Variants in TOMM70 observed in about 807,000 individuals in gnomAD.
The protein encoded by TOMM70 is translocase of outer mitochondrial membrane 70.
Under a neutral mutation model 73.6 loss-of-function variants are expected in TOMM70, and 13 were observed. The observed-to-expected ratio is 0.18, with a 90% CI of 0.11 to 0.28. TOMM70 has a LOEUF of 0.28. Among genes scored for constraint, TOMM70 ranks in the 10% least tolerant of loss-of-function variants. TOMM70 has a pLI of 1.00. For missense variants in TOMM70, 609 were observed against 747.5 expected, an observed-to-expected ratio of 0.81 and a Z score of 2.16; for synonymous variants, 257 against 271.2, an observed-to-expected ratio of 0.95 and a Z score of 0.51.
Position 100,381,776 on chromosome 3 carries a change from C to A in TOMM70, c.736-13G>T. ...GAGGTTCACGATTCTGAAATTTAGT[C>A]ATGTTTAAAGACATCAGGATGGGAA... On this transcript the variant is annotated splice_polypyrimidine_tract_variant and intron_variant, in intron 4 of 11. Coordinates refer to ENST00000284320, the MANE Select transcript of TOMM70 (RefSeq NM_014820.5). The A allele has an allele frequency of 1.3e-6, 2 of 1,591,780 alleles. No homozygotes were observed. Among genetic ancestry groups the A allele is most frequent in the South Asian group, 1.1e-5 (1 of 87,420 alleles).
At chr3:100,387,598 AG>A in intron 1 of TOMM70, among the ~76,000 whole-genome samples, 1 of 103,498 alleles carries the variant, frequency 9.7e-6, no homozygotes, top group African/African-American at 4.4e-5. Flanking sequence ...ACACAGACAC[AG>A]ACACACACAC....
chr3:100,378,018 G>GGGCGGATCACGAGGTC, intron 5 of TOMM70, 106 bp from the exon 6 acceptor site: 1 of 920,656 alleles, frequency 1.1e-6, no homozygotes, highest in Non-Finnish European at 1.6e-6. Flanking sequence ...AGGCCGAGGT[G>GGGCGGATCACGAGGTC]GGCGGATCAC....
At position 100,365,467 on chromosome 3, in the gene TOMM70, T is replaced by C; in HGVS notation, c.*97A>G. On this transcript the variant is annotated 3_prime_UTR_variant, in exon 12 of 12. Coordinates refer to ENST00000284320, the MANE Select transcript of TOMM70 (RefSeq NM_014820.5). The stretch of plus-strand genomic sequence containing the variant: ...ACAACACCACAAACAGAAATACTGA[T>C]TTCCACCATTCAACACAGTTCATGA... The C allele has an allele frequency of 6.7e-7, 1 of 1,492,596 alleles. No individual in the cohort carries two copies. Among genetic ancestry groups the C allele is most frequent in the Non-Finnish European group, 9.1e-7 (1 of 1,100,084 alleles). 92.5% of individuals were successfully genotyped at this position (1,492,596 alleles called of 1,614,324 possible). A position where few individuals can be genotyped will look rare whatever the true frequency, so the allele number is the denominator to read the frequency against.
intron 5 of TOMM70, among the ~76,000 whole-genome samples, chr3:100,379,402 T>A (rs183938513): frequency 6.6e-6 from 1 of 152,152 alleles, no homozygotes; most frequent in East Asian, 1.9e-4. Context: ...CGTGGGAGGA[T>A]CACCTGGGCC....
Position 100,400,654 on chromosome 3 carries a change from G to T in TOMM70, c.296C>A (p.Pro99His). 1 of 1,612,400 alleles carries T rather than the reference G, an allele frequency of 6.2e-7. No homozygotes were observed. Among genetic ancestry groups the T allele is most frequent in the Non-Finnish European group, 8.5e-7 (1 of 1,179,662 alleles). Residue 99 changes from proline (P) to histidine (H), a missense_variant, in exon 1 of 12, where the codon CCT (proline) becomes CAT (histidine). Physicochemically the swap from Pro to His is moderately conservative, Grantham distance 77. This residue lies in a region of TOMM70 where 177 missense variants were observed against 163.5 expected (regional missense o/e 1.08). Transcript: ENST00000284320. ...GTCCAAGTGAGCACCGGGACCTTCA[G>T]GGTGTCCGCTGCCCGGGGCCGGACT... The part of the protein sequence containing the change: ...RASPAPGSGH[P>H]EGPGAHLDMN...
intron 5 of TOMM70, among the ~76,000 whole-genome samples, chr3:100,378,758 G>A (rs1248430060): frequency 6.6e-6 from 1 of 152,214 alleles, no homozygotes; most frequent in Non-Finnish European, 1.5e-5. Context: ...TGTAATCCCA[G>A]CACTTTGGGA....
intron 1 of TOMM70, among the ~76,000 whole-genome samples, chr3:100,390,833 G>GAAACAA (rs1357606449): frequency 1.3e-5 from 2 of 151,260 alleles, no homozygotes; most frequent in African/African-American, 4.9e-5. Flanking sequence ...CATCCCAAAA[G>GAAACAA]AAACAAAAAC....
At chr3:100,380,251 G>A (rs532640393) in intron 5 of TOMM70, among the ~76,000 whole-genome samples, 1 of 152,164 alleles carries the variant, frequency 6.6e-6, no homozygotes, top group East Asian at 1.9e-4. Flanking sequence ...AAGCTGAGGT[G>A]GGAGAATTGC....
chr3:100,367,805 T>C (rs369911808), intron 11 of TOMM70, among the ~76,000 whole-genome samples: 1 of 152,196 alleles, frequency 6.6e-6, no homozygotes, highest in African/African-American at 2.4e-5. Context: ...GGGCTCTGAG[T>C]TGATGTTGCA....
At chr3:100,381,041 T>C (rs1706628120) in intron 5 of TOMM70, among the ~76,000 whole-genome samples, 1 of 152,136 alleles carries the variant, frequency 6.6e-6, no homozygotes, top group Non-Finnish European at 1.5e-5. Context: ...TAAATACGAA[T>C]GGAATAAAGC....
intron 3 of TOMM70, among the ~76,000 whole-genome samples, 175 bp from the exon 4 acceptor site, chr3:100,384,763 A>T (rs901327709): frequency 3.3e-5 from 5 of 152,266 alleles, no homozygotes; most frequent in Non-Finnish European, 5.9e-5. Context: ...CTATGACCAA[A>T]CTGAAAGCTC....
intron 1 of TOMM70, among the ~76,000 whole-genome samples, chr3:100,388,651 CAACCCATAAA>C (rs1706720408): frequency 6.6e-6 from 1 of 151,948 alleles, no homozygotes; most frequent in Admixed American, 6.6e-5. Context: ...AAGGGAAAAA[CAACCCATAAA>C]AAAAGAGGCC....
intron 1 of TOMM70, among the ~76,000 whole-genome samples, chr3:100,396,873 T>C (rs1466620762): frequency 2.0e-5 from 3 of 152,220 alleles, no homozygotes; most frequent in African/African-American, 7.2e-5. Context: ...TTACAAGTTT[T>C]TGCTATCCCA....
At chr3:100,381,139 TC>T in intron 5 of TOMM70, among the ~76,000 whole-genome samples, 1 of 152,184 alleles carries the variant, frequency 6.6e-6, no homozygotes, top group Non-Finnish European at 1.5e-5. Context: ...CTCTACAGGC[TC>T]CAACAAGAAG....
intron 1 of TOMM70, among the ~76,000 whole-genome samples, chr3:100,396,138 C>T (rs561395599): frequency 6.6e-6 from 1 of 151,326 alleles, no homozygotes; most frequent in South Asian, 2.1e-4. Flanking sequence ...GTTAACTAAG[C>T]TTAGAGGGAA....
At chr3:100,400,470 C>T (rs1436270297) in intron 1 of TOMM70, among the ~76,000 whole-genome samples, 156 bp downstream of exon 1, 1 of 152,212 alleles carries the variant, frequency 6.6e-6, no homozygotes, top group Non-Finnish European at 1.5e-5. Context: ...ACTCTATGCC[C>T]TCCACTGGCA....
At chr3:100,381,798 G>T (rs762545151) in intron 4 of TOMM70, 35 bp from the exon 5 acceptor site, 3 of 1,543,496 alleles carry the variant, frequency 1.9e-6, no homozygotes, top group East Asian at 4.7e-5. Context: ...CATCAGGATG[G>T]GAAATACCAA....
chr3:100,384,999 C>G (rs1379630300), intron 3 of TOMM70, among the ~76,000 whole-genome samples: 1 of 152,236 alleles, frequency 6.6e-6, no homozygotes, highest in African/African-American at 2.4e-5. Context: ...TCAAATAAAT[C>G]TGCCTCAATA....
In TOMM70 at chr3:100,381,772, T is replaced by C; in HGVS notation, c.736-9A>G. ...ATCAGAGGTTCACGATTCTGAAATTTAGTCATGTTTAAAGACATCAGGATG... is the reference window on the plus strand; with the variant it reads ...ATCAGAGGTTCACGATTCTGAAATTCAGTCATGTTTAAAGACATCAGGATG... On this transcript the variant is annotated splice_polypyrimidine_tract_variant and intron_variant, in intron 4 of 11. Coordinates refer to ENST00000284320, the MANE Select transcript of TOMM70 (RefSeq NM_014820.5). 6.3e-7 allele frequency: 1 copy of C among 1,594,730 alleles called. No homozygotes were observed. The highest frequency in any genetic ancestry group is 1.1e-5 in the South Asian group (1 of 87,824).
Sources: allele counts gnomAD v4.1 joint callset (sites outside exome capture counted in the v4.1 genomes callset), GRCh38; gene constraint gnomAD v4.1.1; regional missense constraint gnomAD v4.1.1; transcripts MANE v1.5; gene names NCBI Gene and HGNC (gene_info 2026-07-23, HGNC 2026-07-21).